The following CSF1R variants were observed in gnomAD, a reference collection of about 807,000 sequenced individuals.
CSF1R encodes colony stimulating factor 1 receptor.
In CSF1R, 40 loss-of-function variants were observed where a neutral mutation model predicts 110.0. That is an observed-to-expected ratio of 0.36 (90% CI 0.28 to 0.47). The LOEUF (loss-of-function observed/expected upper bound fraction) is 0.47, where lower values mean the gene tolerates loss of function less well. Ranked by LOEUF, CSF1R falls within the 20% of genes least tolerant of loss-of-function variation. The probability of loss-of-function intolerance (pLI) is 0.99; values close to 1 mark genes in which losing one functional copy is unlikely to be tolerated. For missense variants in CSF1R, 1,052 were observed against 1,253.0 expected (o/e 0.84, Z 2.42); for synonymous variants, 523 against 503.4 (o/e 1.04, Z -0.52).
At chr5:150,095,933 CA>C (rs1014608986) in intron 1 of CSF1R, among the ~76,000 whole-genome samples, 1 of 152,132 alleles carries the variant, frequency 6.6e-6, no homozygotes, top group African/African-American at 2.4e-5. Flanking sequence ...TTGAAAGGTA[CA>C]AACTGCTAAA....
intron 1 of CSF1R, among the ~76,000 whole-genome samples, chr5:150,095,411 G>A (rs1411576064): frequency 6.6e-6 from 1 of 151,974 alleles, no homozygotes; most frequent in Non-Finnish European, 1.5e-5. Context: ...GTTTAAATAA[G>A]TTATGCAAAG....
rs775029262 is a variant in CSF1R at position 150,070,458 on chromosome 5, C to A, written c.1196G>T (p.Arg399Leu). Residue 399 changes from arginine (R) to leucine (L), a missense_variant and splice_region_variant, in exon 7 of 21, where the codon CGA (arginine) becomes CTA (leucine). By Grantham distance (102) the Arg-to-Leu change is moderately radical. Coordinates refer to ENST00000675795, the MANE Select transcript of CSF1R (RefSeq NM_001288705.3). The stretch of plus-strand genomic sequence containing the variant: ...TGGCGCTCGGCCCCAGCACTCACAT[C>A]GAAGGGTGAGCTCAAACGTCAGAGC... ...WRALTFELTL[R>L]YPPEVSVIWT... 6.4e-7 allele frequency: 1 copy of A among 1,554,856 alleles called. No homozygotes were observed. Among genetic ancestry groups the A allele is most frequent in the Non-Finnish European group, 8.7e-7 (1 of 1,150,862 alleles).
chr5:150,104,863 C>T (rs1388549512), intron 1 of CSF1R, among the ~76,000 whole-genome samples: 1 of 151,792 alleles, frequency 6.6e-6, no homozygotes, highest in Non-Finnish European at 1.5e-5. Flanking sequence ...AGGCCTAATC[C>T]TTACTCTTTT....
At chr5:150,069,775 C>A in intron 9 of CSF1R, 98 bp downstream of exon 9, 2 of 1,239,860 alleles carry the variant, frequency 1.6e-6, no homozygotes, top group Non-Finnish European at 2.2e-6. Flanking sequence ...TGGAGCCAAC[C>A]CCAGCTCCCT....
At chr5:150,058,986 C>A (rs1385752265) in intron 14 of CSF1R, among the ~76,000 whole-genome samples, 1 of 152,170 alleles carries the variant, frequency 6.6e-6, no homozygotes, top group South Asian at 2.1e-4. Flanking sequence ...GTGGCTCTGT[C>A]TGTTGGATGG....
rs115895865 is a variant in CSF1R, at chr5:150,068,202, C to T, written c.1626+13G>A. 8.4e-4 allele frequency: 1,348 copies of T among 1,603,074 alleles called. 8 individuals carry two copies. In the African/African-American group the frequency reaches 0.013, roughly 16 times the overall value. ...ACTCAGGCACCTGGCAGCCCCACTCCGCTCCGGCTCACCTGCTTATACTTG... is the reference window on the plus strand; with the variant it reads ...ACTCAGGCACCTGGCAGCCCCACTCTGCTCCGGCTCACCTGCTTATACTTG... On this transcript the variant is annotated intron_variant, in intron 10 of 20. Coordinates refer to ENST00000675795, the MANE Select transcript of CSF1R (RefSeq NM_001288705.3).
rs1253347388 is a variant in CSF1R, at chr5:150,053,707, C to A, written c.*362G>T. ...CCAAAGAGCCTGGTTTTCTCAGTAT[C>A]AGTGTAGCTCCTGGGGACTTCATAG... On this transcript the variant is annotated 3_prime_UTR_variant, in exon 21 of 21. Transcript: ENST00000675795. The A allele has an allele frequency of 2.8e-6, 1 of 354,052 alleles. No homozygotes were observed. The highest frequency in any genetic ancestry group is 4.5e-5 in the Admixed American group (1 of 22,266). The allele number at this position is 354,052 out of a possible 1,614,324, so 21.9% of individuals were successfully genotyped here.
At chr5:150,105,523 T>C (rs984193251) in intron 1 of CSF1R, among the ~76,000 whole-genome samples, 2 of 151,638 alleles carry the variant, frequency 1.3e-5, no homozygotes, top group Non-Finnish European at 2.9e-5. Flanking sequence ...GCCTCTTTTT[T>C]TTCTTTTTCC....
At position 150,095,217 on chromosome 5, in the gene CSF1R, G is replaced by C. The variant is rs531181709; in HGVS notation, c.-180-8610C>G. On this transcript the variant is annotated intron_variant, in intron 1 of 21. Transcript: ENST00000286301. The stretch of plus-strand genomic sequence containing the variant: ...AATCTCTTGTAACACCCTTCTCCCA[G>C]TTGTAGGTGGTACAAGTAGAGAGCA... 1.6e-4 allele frequency among the ~76,000 whole-genome samples: 24 copies of C among 151,584 alleles called. No individual in the cohort carries two copies. In the South Asian group the frequency reaches 4.8e-3, roughly 30 times the overall value.
intron 1 of CSF1R, among the ~76,000 whole-genome samples, chr5:150,093,812 C>T (rs1003346359): frequency 6.6e-6 from 1 of 152,118 alleles, no homozygotes; most frequent in African/African-American, 2.4e-5. Context: ...GCCTGTAATC[C>T]CAGCACTTTG....
chr5:150,097,978 C>T (rs551685578), intron 1 of CSF1R, among the ~76,000 whole-genome samples: 1 of 152,190 alleles, frequency 6.6e-6, no homozygotes, highest in South Asian at 2.1e-4. Flanking sequence ...AAGTTGAAGC[C>T]CTCATACTAC....
chr5:150,056,198 C>T, intron 17 of CSF1R, 21 bp downstream of exon 17: 1 of 1,614,202 alleles, frequency 6.2e-7, no homozygotes, highest in African/African-American at 1.3e-5. Context: ...CCAGCCTGGC[C>T]CAAGCCCTCC....
At chr5:150,071,495 C>T (rs1022024254) in intron 6 of CSF1R, among the ~76,000 whole-genome samples, 1 of 152,212 alleles carries the variant, frequency 6.6e-6, no homozygotes, top group African/African-American at 2.4e-5. Context: ...CTCATCCAGC[C>T]AGACCCTGGG....
chr5:150,105,025 C>T (rs982640266), intron 1 of CSF1R, among the ~76,000 whole-genome samples: 1 of 150,934 alleles, frequency 6.6e-6, no homozygotes, highest in African/African-American at 2.4e-5. Flanking sequence ...ACTATAGGCA[C>T]CCACCACCAC....
Position 150,086,409 on chromosome 5 carries a change from G to T in CSF1R, c.19C>A (p.Leu7Met), listed in dbSNP as rs1351989543. The T allele has an allele frequency of 6.2e-7, 1 of 1,610,618 alleles. No individual in the cohort carries two copies. Among genetic ancestry groups the T allele is most frequent in the South Asian group, 1.1e-5 (1 of 89,772 alleles). MGPGVL[L>M]LLLVATAWHG... ...CAAGCTGTGGCCACCAGCAGGAGCA[G>T]CAGAACTCCTGGGCCCATGGCCTCG... Residue 7 changes from leucine to methionine, a missense_variant, in exon 1 of 21, where the codon CTG (leucine) becomes ATG (methionine). By Grantham distance (15) the Leu-to-Met change is conservative. Transcript: ENST00000675795.
chr5:150,081,513 G>A (rs1459957697), intron 1 of CSF1R, among the ~76,000 whole-genome samples: 1 of 152,166 alleles, frequency 6.6e-6, no homozygotes, highest in Non-Finnish European at 1.5e-5. Flanking sequence ...AGTTAGAGAG[G>A]TCCCAAGAAT....
chr5:150,055,948 C>T lies in CSF1R; in HGVS notation c.2554+78G>A, dbSNP rs577362115. 5.1e-5 allele frequency: 68 copies of T among 1,344,926 alleles called. No homozygotes were observed. In the African/African-American group the frequency reaches 8.9e-4, roughly 18 times the overall value. The allele number at this position is 1,344,926 out of a possible 1,614,324, so 83.3% of individuals were successfully genotyped here. A position where few individuals can be genotyped will look rare whatever the true frequency, so the allele number is the denominator to read the frequency against. On this transcript the variant is annotated intron_variant, in intron 18 of 20. Transcript: ENST00000675795. The stretch of plus-strand genomic sequence containing the variant: ...ACCAACCCTCGCTGTGTCCTGGGCA[C>T]CAAACAGCTTTGTCCACCAGTGGGG...
chr5:150,057,531 A>G lies in CSF1R; in HGVS notation c.2194T>C (p.Ser732Pro). 1.9e-6 allele frequency: 3 copies of G among 1,614,224 alleles called. No individual in the cohort carries two copies. Among genetic ancestry groups the G allele is most frequent in the Non-Finnish European group, 2.5e-6 (3 of 1,180,030 alleles). The stretch of plus-strand genomic sequence containing the variant: ...TGCTCAGAGAAGGAGTCATTTGAAG[A>G]AGTGGAGACAGGCCTCATCTCCACA... Reference protein sequence around the residue: ...TYVEMRPVSTSSNDSFSEQDL... With the variant: ...TYVEMRPVSTPSNDSFSEQDL... The change falls in exon 15 of 21, where the codon TCT (serine) becomes CCT (proline). Residue 732 changes from serine to proline, a missense_variant. Ser to Pro is a moderately conservative substitution (Grantham distance 74). Around this residue, in one of 5 missense-constraint regions of CSF1R, gnomAD observed 124 missense variants for 117.7 expected, o/e 1.05. Coordinates refer to ENST00000675795, the MANE Select transcript of CSF1R (RefSeq NM_001288705.3).
At chr5:150,080,650 G>A in intron 2 of CSF1R, 117 bp downstream of exon 2, 1 of 1,319,114 alleles carries the variant, frequency 7.6e-7, no homozygotes, top group East Asian at 2.4e-5. Flanking sequence ...CCAGGTCCTT[G>A]CTCATAGCCA....
Sources: allele counts gnomAD v4.1 joint callset (sites outside exome capture counted in the v4.1 genomes callset), GRCh38; gene constraint gnomAD v4.1.1; regional missense constraint gnomAD v4.1.1; transcripts MANE v1.5; gene names NCBI Gene and HGNC (gene_info 2026-07-23, HGNC 2026-07-21).